The following LY96 variants were observed in gnomAD, a reference collection of about 807,000 sequenced individuals.
LY96 encodes lymphocyte antigen 96.
LY96 carries 18 observed loss-of-function variants against 18.9 expected under a neutral mutation model. The ratio of observed to expected loss-of-function variants is 0.95; its 90% CI spans 0.66 to 1.41. LY96 has a LOEUF of 1.41. Ranked by LOEUF, LY96 falls within the 40% of genes most tolerant of loss-of-function variation. The pLI is 0.00. For synonymous variants in LY96, 66 were observed against 62.6 expected (o/e 1.06, Z -0.26); for missense variants, 175 against 182.4 (o/e 0.96, Z 0.23).
At position 74,026,206 on chromosome 8, in the gene LY96, A is replaced by G. The variant is rs907470814; in HGVS notation, c.332-583A>G. ...TTTGAGATTCAAAACATACATTTCT[A>G]TCTTTACCCCACCACATTCACTACT... On this transcript the variant is annotated intron_variant, in intron 3 of 4. Transcript: ENST00000284818. Among the ~76,000 whole-genome samples the G allele has an allele frequency of 4.6e-5, 7 of 152,316 alleles. No individual in the cohort carries two copies. The East Asian group carries it at 7.7e-4, about 17-fold the overall frequency.
At chr8:74,081,723 G>A in the LY96 span, among the ~76,000 whole-genome samples, 2 of 151,750 alleles carry the variant, frequency 1.3e-5, no homozygotes, top group Non-Finnish European at 2.9e-5. Context: ...GCATGATCTC[G>A]GCTCACTACA....
intron 2 of LY96, among the ~76,000 whole-genome samples, chr8:74,008,031 A>G (rs751934688): frequency 6.6e-6 from 1 of 152,194 alleles, no homozygotes; most frequent in Non-Finnish European, 1.5e-5. Context: ...AAGTGCTAGG[A>G]TTACAGGCGT....
the LY96 span, among the ~76,000 whole-genome samples, chr8:74,035,634 A>T: frequency 6.6e-6 from 1 of 152,194 alleles, no homozygotes; most frequent in Non-Finnish European, 1.5e-5. Context: ...GGAATTCAGG[A>T]AATGCCAACC....
intron 1 of LY96, among the ~76,000 whole-genome samples, chr8:73,997,101 C>G (rs1816165654): frequency 6.6e-6 from 1 of 152,220 alleles, no homozygotes; most frequent in South Asian, 2.1e-4. Flanking sequence ...AGGCGATCAG[C>G]CTGCCTTGGC....
the LY96 span, among the ~76,000 whole-genome samples, chr8:74,088,000 T>C: frequency 6.6e-6 from 1 of 152,076 alleles, no homozygotes; most frequent in Non-Finnish European, 1.5e-5. Context: ...CTTTATCCAC[T>C]AACCACCCAT....
chr8:74,024,613 A>T (rs1816830497), intron 3 of LY96, among the ~76,000 whole-genome samples: 1 of 152,100 alleles, frequency 6.6e-6, no homozygotes, highest in Admixed American at 6.6e-5. Context: ...CATTTTACTG[A>T]GGCATAGAAA....
At chr8:74,056,384 G>T in the LY96 span, 1 of 300,834 alleles carries the variant, frequency 3.3e-6, no homozygotes, top group Non-Finnish European at 6.3e-6. Flanking sequence ...TCCCAGAGGT[G>T]CAGACAGATG....
At chr8:74,081,059 TCTTTCTTA>T in the LY96 span, among the ~76,000 whole-genome samples, 194 of 124,884 alleles carry the variant, frequency 1.6e-3, 2 homozygotes, top group Admixed American at 5.8e-3. Flanking sequence ...TTTCTTTCTT[TCTTTCTTA>T]CTTTCTTTCT....
intron 3 of LY96, among the ~76,000 whole-genome samples, chr8:74,024,554 G>T (rs1816829456): frequency 6.6e-6 from 1 of 151,948 alleles, no homozygotes; most frequent in Admixed American, 6.6e-5. Context: ...TGTATTAACT[G>T]GTATAGCCCT....
the LY96 span, among the ~76,000 whole-genome samples, chr8:74,066,449 G>A: frequency 3.0e-3 from 450 of 152,122 alleles, 2 homozygotes; most frequent in Non-Finnish European, 4.5e-3. Flanking sequence ...GAGACATGAC[G>A]GATAAAGGTG....
the LY96 span, among the ~76,000 whole-genome samples, chr8:74,034,829 A>AAT: frequency 6.6e-6 from 1 of 152,156 alleles, no homozygotes; most frequent in Non-Finnish European, 1.5e-5. Flanking sequence ...TGTAAGGGCC[A>AAT]GTTTTGAGGG....
the LY96 span, among the ~76,000 whole-genome samples, chr8:74,054,672 C>CTTTCTTTA: frequency 2.4e-5 from 3 of 125,224 alleles, no homozygotes; most frequent in Admixed American, 8.3e-5. Flanking sequence ...TTCTTTCTTT[C>CTTTCTTTA]TTTTTATTTG....
downstream of LY96, among the ~76,000 whole-genome samples, chr8:74,032,821 G>C (rs1432921191): frequency 1.3e-5 from 2 of 152,194 alleles, no homozygotes; most frequent in African/African-American, 4.8e-5. Flanking sequence ...AATTGCTGGT[G>C]AATGTGTGTG....
the LY96 span, among the ~76,000 whole-genome samples, chr8:74,080,951 G>GGA: frequency 2.0e-5 from 3 of 150,088 alleles, no homozygotes; most frequent in East Asian, 5.9e-4. Flanking sequence ...CTTGTCTTTT[G>GGA]GACTGTCTTG....
chr8:74,094,329 G>T, the LY96 span, among the ~76,000 whole-genome samples: 1 of 151,976 alleles, frequency 6.6e-6, no homozygotes, highest in African/African-American at 2.4e-5. Context: ...GAAAAAAGGT[G>T]GGACATAATG....
At chr8:74,016,791 A>C (rs1816652208) in intron 3 of LY96, among the ~76,000 whole-genome samples, 1 of 152,232 alleles carries the variant, frequency 6.6e-6, no homozygotes, top group African/African-American at 2.4e-5. Context: ...GCAAACTCCA[A>C]CAGACCTGCA....
the LY96 span, among the ~76,000 whole-genome samples, chr8:74,052,971 G>A: frequency 2.6e-5 from 4 of 152,210 alleles, no homozygotes; most frequent in Non-Finnish European, 4.4e-5. Context: ...AATTTAATCA[G>A]AAAATGTTGG....
At chr8:74,057,880 T>C in the LY96 span, among the ~76,000 whole-genome samples, 1 of 152,180 alleles carries the variant, frequency 6.6e-6, no homozygotes, top group East Asian at 1.9e-4. Context: ...TGCTTCAGTA[T>C]AAAAATGCGG....
chr8:74,004,964 T>A, intron 2 of LY96, 79 bp downstream of exon 2: 1 of 1,447,262 alleles, frequency 6.9e-7, no homozygotes, highest in Non-Finnish European at 9.6e-7. Context: ...GTTTCAAATA[T>A]ACTTGTATTC....
Sources: gnomAD v4.1 joint callset for allele counts (sites outside exome capture counted in the v4.1 genomes callset) on GRCh38, gnomAD v4.1.1 for gene constraint, MANE v1.5 for transcripts, NCBI Gene and HGNC (gene_info 2026-07-23, HGNC 2026-07-21) for gene names.